The following AFG2A variants were observed in gnomAD, a reference collection of about 807,000 sequenced individuals.
AFG2A encodes AAA ATPase AFG2A.
the AFG2A span, among the ~76,000 whole-genome samples, chr4:123,261,233 G>A: frequency 6.6e-6 from 1 of 152,134 alleles, no homozygotes. Flanking sequence ...CTATCACCAA[G>A]TAGTCTACTA....
At chr4:123,048,796 T>C in the AFG2A span, among the ~76,000 whole-genome samples, 39 of 152,278 alleles carry the variant, frequency 2.6e-4, no homozygotes, top group Admixed American at 4.6e-4. Flanking sequence ...ACATATGAGA[T>C]TATGTCATCT....
At chr4:123,070,524 A>C in the AFG2A span, among the ~76,000 whole-genome samples, 2 of 152,154 alleles carry the variant, frequency 1.3e-5, no homozygotes, top group East Asian at 3.9e-4. Context: ...TCTTTATAGA[A>C]TGCCATCTTC....
chr4:122,979,460 C>T, the AFG2A span: 1 of 1,487,042 alleles, frequency 6.7e-7, no homozygotes, highest in Non-Finnish European at 9.1e-7. Flanking sequence ...TTCAGGGAGA[C>T]TGACTTCCTA....
the AFG2A span, among the ~76,000 whole-genome samples, chr4:122,941,639 T>G: frequency 6.6e-6 from 1 of 152,046 alleles, no homozygotes; most frequent in African/African-American, 2.4e-5. Flanking sequence ...TTCTCCTGCC[T>G]GATTGCCCTG....
At chr4:123,310,722 A>G in the AFG2A span, among the ~76,000 whole-genome samples, 2 of 152,234 alleles carry the variant, frequency 1.3e-5, no homozygotes, top group East Asian at 3.8e-4. Flanking sequence ...TTGATTGACG[A>G]AAGAATGACT....
the AFG2A span, among the ~76,000 whole-genome samples, chr4:122,979,890 C>T: frequency 3.9e-5 from 6 of 152,118 alleles, no homozygotes; most frequent in East Asian, 1.2e-3. Context: ...AGAGCGAGAC[C>T]CTGTCTCAAA....
the AFG2A span, among the ~76,000 whole-genome samples, chr4:123,110,686 A>AT: frequency 1.3e-5 from 2 of 152,222 alleles, no homozygotes; most frequent in African/African-American, 4.8e-5. Context: ...CACATGCACT[A>AT]TACCAGGCAC....
chr4:123,111,512 A>G, the AFG2A span, among the ~76,000 whole-genome samples: 1 of 152,276 alleles, frequency 6.6e-6, no homozygotes, highest in African/African-American at 2.4e-5. Flanking sequence ...GAGAGATTCA[A>G]GTTTTGTATT....
At chr4:123,233,605 G>T in the AFG2A span, among the ~76,000 whole-genome samples, 2 of 151,958 alleles carry the variant, frequency 1.3e-5, no homozygotes, top group African/African-American at 4.8e-5. Flanking sequence ...AAAACAGGAA[G>T]TATCTCTGCT....
the AFG2A span, among the ~76,000 whole-genome samples, chr4:123,095,049 A>G: frequency 2.4e-5 from 1 of 42,462 alleles, no homozygotes; most frequent in Admixed American, 2.5e-4. Flanking sequence ...AAAAATATAT[A>G]TATATATATA....
chr4:123,006,864 C>T, the AFG2A span, among the ~76,000 whole-genome samples: 8,134 of 151,006 alleles, frequency 0.054, 522 homozygotes, highest in African/African-American at 0.16. Context: ...TTTCTCCTTA[C>T]GGGTATATTT....
chr4:123,000,287 A>G, the AFG2A span, among the ~76,000 whole-genome samples: 2 of 150,386 alleles, frequency 1.3e-5, no homozygotes, highest in Non-Finnish European at 3.0e-5. Context: ...CTAACTGAAT[A>G]CCCTTTATTT....
the AFG2A span, among the ~76,000 whole-genome samples, chr4:123,227,798 G>A: frequency 2.0e-5 from 3 of 152,118 alleles, no homozygotes; most frequent in Non-Finnish European, 4.4e-5. Flanking sequence ...TCTGTCTAAT[G>A]TTGACAGTGG....
chr4:123,223,626 A>T, the AFG2A span, among the ~76,000 whole-genome samples: 1 of 152,160 alleles, frequency 6.6e-6, no homozygotes, highest in Non-Finnish European at 1.5e-5. Flanking sequence ...CAAATCTCAC[A>T]GCTACCACAA....
the AFG2A span, among the ~76,000 whole-genome samples, chr4:123,114,216 T>C: frequency 6.6e-6 from 1 of 152,080 alleles, no homozygotes. Context: ...GATTGGTCCA[T>C]GGGCCTGCGG....
At chr4:123,240,325 A>G in the AFG2A span, among the ~76,000 whole-genome samples, 1 of 152,200 alleles carries the variant, frequency 6.6e-6, no homozygotes, top group African/African-American at 2.4e-5. Context: ...AACAGAATAT[A>G]CATTCTTCTC....
chr4:123,058,587 C>T, the AFG2A span, among the ~76,000 whole-genome samples: 2 of 152,020 alleles, frequency 1.3e-5, no homozygotes, highest in African/African-American at 4.8e-5. Context: ...ACTGCTCCAT[C>T]GCACTCCACC....
the AFG2A span, among the ~76,000 whole-genome samples, chr4:123,184,532 CTTTTT>C: frequency 4.5e-5 from 4 of 89,280 alleles, no homozygotes; most frequent in Non-Finnish European, 8.0e-5. Context: ...ATGATCATTT[CTTTTT>C]TTTTTTTTTT....
the AFG2A span, among the ~76,000 whole-genome samples, chr4:123,077,594 A>G: frequency 6.6e-6 from 1 of 152,134 alleles, no homozygotes; most frequent in Non-Finnish European, 1.5e-5. Flanking sequence ...CATCCAAAAG[A>G]GGTGATGCAT....
Sources: gnomAD v4.1 joint callset for allele counts (sites outside exome capture counted in the v4.1 genomes callset) on GRCh38, gnomAD v4.1.1 for gene constraint, MANE v1.5 for transcripts, NCBI Gene and HGNC (gene_info 2026-07-23, HGNC 2026-07-21) for gene names.